COL24A1: variants seen among roughly 807,000 people sequenced by gnomAD.
COL24A1 encodes collagen alpha-1(XXIV) chain.
Under a neutral mutation model 253.9 loss-of-function variants are expected in COL24A1, and 224 were observed. That is an observed-to-expected ratio of 0.88 (90% CI 0.79 to 0.99). The LOEUF (loss-of-function observed/expected upper bound fraction) is 0.99. Among genes scored for constraint, COL24A1 ranks in the 50% least tolerant of loss-of-function variants. The pLI is 0.00. For missense variants in COL24A1, 2,131 were observed against 2,068.5 expected (o/e 1.03, Z -0.59); for synonymous variants, 685 against 673.7 (o/e 1.02, Z -0.26).
At chr1:85,926,722 C>A (rs1248029945) in intron 24 of COL24A1, among the ~76,000 whole-genome samples, 2 of 152,022 alleles carry the variant, frequency 1.3e-5, no homozygotes, top group East Asian at 3.9e-4. Flanking sequence ...ATGTAAATGA[C>A]AAGTTAATGG....
At chr1:85,783,350 G>A in intron 51 of COL24A1, 146 bp downstream of exon 51, 1 of 574,762 alleles carries the variant, frequency 1.7e-6, no homozygotes, top group Non-Finnish European at 3.0e-6. Context: ...GCAAAAGATT[G>A]AATTCTGCAT....
At chr1:85,922,274 C>T (rs891047579) in intron 24 of COL24A1, among the ~76,000 whole-genome samples, 1 of 152,118 alleles carries the variant, frequency 6.6e-6, no homozygotes, top group Non-Finnish European at 1.5e-5. Context: ...ACTTCCCCAA[C>T]CTAGCAAGGT....
chr1:85,765,399 T>TA, intron 53 of COL24A1, among the ~76,000 whole-genome samples: 2 of 152,108 alleles, frequency 1.3e-5, no homozygotes, highest in South Asian at 4.1e-4. Flanking sequence ...TTCAAGTTGT[T>TA]ACATTTTGTC....
chr1:86,074,132 T>C (rs1033030818), intron 7 of COL24A1, among the ~76,000 whole-genome samples: 1 of 152,138 alleles, frequency 6.6e-6, no homozygotes, highest in Non-Finnish European at 1.5e-5. Context: ...TAAATGTAAA[T>C]GGGCTAAATG....
At chr1:85,831,200 A>T (rs1005686292) in intron 43 of COL24A1, among the ~76,000 whole-genome samples, 16 of 152,078 alleles carry the variant, frequency 1.1e-4, no homozygotes, top group Non-Finnish European at 2.9e-5. Flanking sequence ...GAATCTGGTC[A>T]ATCAAGACGG....
intron 38 of COL24A1, among the ~76,000 whole-genome samples, chr1:85,848,723 T>C (rs1023231018): frequency 6.6e-6 from 1 of 152,178 alleles, no homozygotes; most frequent in Non-Finnish European, 1.5e-5. Flanking sequence ...AACAAGAAGA[T>C]ACAAAGAAAA....
At chr1:85,892,453 C>A (rs1683229385) in intron 31 of COL24A1, among the ~76,000 whole-genome samples, 1 of 151,986 alleles carries the variant, frequency 6.6e-6, no homozygotes, top group East Asian at 1.9e-4. Context: ...GCAGACTTTA[C>A]TACAAGAAAT....
intron 57 of COL24A1, among the ~76,000 whole-genome samples, chr1:85,738,060 T>C (rs1012357096): frequency 6.6e-6 from 1 of 152,182 alleles, no homozygotes; most frequent in African/African-American, 2.4e-5. Flanking sequence ...TATGATTAAA[T>C]TATGATAAAA....
At chr1:85,984,773 A>T (rs531286040) in intron 20 of COL24A1, among the ~76,000 whole-genome samples, 34 of 151,828 alleles carry the variant, frequency 2.2e-4, no homozygotes, top group African/African-American at 7.5e-4. Context: ...ACTAAATATA[A>T]CCAGAATCAA....
chr1:85,730,793 G>T, intron 59 of COL24A1, 101 bp from the exon 60 acceptor site: 1 of 1,248,128 alleles, frequency 8.0e-7, no homozygotes. Flanking sequence ...TTAAGGATTA[G>T]AGATAACGAA....
intron 28 of COL24A1, 29 bp from the exon 29 acceptor site, chr1:85,896,438 A>C: frequency 3.2e-6 from 5 of 1,573,408 alleles, no homozygotes; most frequent in Non-Finnish European, 4.4e-6. Context: ...TCCTGTTGTT[A>C]ATTTGAAATG....
At chr1:85,833,120 A>C (rs971825588) in intron 43 of COL24A1, among the ~76,000 whole-genome samples, 14 of 152,168 alleles carry the variant, frequency 9.2e-5, no homozygotes, top group African/African-American at 3.4e-4. Flanking sequence ...TAATTAATGG[A>C]GAGTTTTTAG....
chr1:85,803,731 G>T (rs945423995), intron 47 of COL24A1, among the ~76,000 whole-genome samples: 1 of 151,964 alleles, frequency 6.6e-6, no homozygotes, highest in Admixed American at 6.6e-5. Context: ...TTGCAACTTT[G>T]CTAAACTCAG....
intron 20 of COL24A1, among the ~76,000 whole-genome samples, chr1:85,982,128 C>A (rs1482910091): frequency 2.6e-5 from 4 of 152,018 alleles, no homozygotes; most frequent in East Asian, 1.9e-4. Context: ...GATGGATGAA[C>A]CTTGATGACA....
At chr1:85,924,702 G>T (rs2134412) in intron 24 of COL24A1, among the ~76,000 whole-genome samples, 1 of 151,848 alleles carries the variant, frequency 6.6e-6, no homozygotes, top group East Asian at 1.9e-4. Flanking sequence ...TGACAAACCC[G>T]CAGCCAATAT....
At chr1:86,059,436 G>A (rs1376760078) in intron 8 of COL24A1, among the ~76,000 whole-genome samples, 1 of 151,984 alleles carries the variant, frequency 6.6e-6, no homozygotes, top group African/African-American at 2.4e-5. Flanking sequence ...TACTAAAACA[G>A]ACATTTATTC....
rs569504894 is a variant in COL24A1 at position 85,978,308 on chromosome 1, C to A, written c.2365-6915G>T. Among the ~76,000 whole-genome samples the A allele has an allele frequency of 3.3e-5, 5 of 151,908 alleles. No individual in the cohort carries two copies. In the South Asian group the frequency reaches 8.3e-4, roughly 25 times the overall value. On this transcript the variant is annotated intron_variant, in intron 20 of 59. Transcript: ENST00000370571. Reference sequence around the variant, plus strand: ...TAAATCTCACAGGCCTATAAAACAACAACACACACACACAAAACCCACAAG... The same window carrying A: ...TAAATCTCACAGGCCTATAAAACAAAAACACACACACACAAAACCCACAAG...
At chr1:85,879,362 T>C (rs1681565811) in intron 32 of COL24A1, among the ~76,000 whole-genome samples, 1 of 152,152 alleles carries the variant, frequency 6.6e-6, no homozygotes, top group South Asian at 2.1e-4. Context: ...AGACTATCCA[T>C]TGTATTGCCT....
chr1:85,942,539 A>C (rs779134295), intron 24 of COL24A1, among the ~76,000 whole-genome samples: 8 of 152,176 alleles, frequency 5.3e-5, no homozygotes, highest in Non-Finnish European at 1.2e-4. Flanking sequence ...TAAATTAGTA[A>C]TCTCATTACA....
Sources: gnomAD v4.1 joint callset for allele counts (sites outside exome capture counted in the v4.1 genomes callset) on GRCh38, gnomAD v4.1.1 for gene constraint, MANE v1.5 for transcripts, NCBI Gene and HGNC (gene_info 2026-07-23, HGNC 2026-07-21) for gene names.